The following ESR1 variants were observed in gnomAD, a reference collection of about 807,000 sequenced individuals.
ESR1 encodes estrogen receptor 1.
ESR1 carries 12 observed loss-of-function variants against 52.7 expected under a neutral mutation model. The observed-to-expected ratio is 0.23, with a 90% CI of 0.15 to 0.37. The LOEUF (loss-of-function observed/expected upper bound fraction) is 0.37, where lower values mean the gene tolerates loss of function less well. ESR1 is among the 10% of genes least tolerant of loss of function. ESR1 has a pLI of 1.00. For missense variants in ESR1, 584 were observed against 779.7 expected (o/e 0.75, Z 2.99); for synonymous variants, 305 against 316.8 (o/e 0.96, Z 0.39).
chr6:151,837,408 T>C (rs1367652545), intron 1 of ESR1, among the ~76,000 whole-genome samples: 1 of 152,130 alleles, frequency 6.6e-6, no homozygotes, highest in Non-Finnish European at 1.5e-5. Context: ...CAGACATCCC[T>C]CTTAATTATG....
intron 5 of ESR1, among the ~76,000 whole-genome samples, chr6:152,036,023 A>G (rs1056892522): frequency 6.6e-6 from 1 of 152,200 alleles, no homozygotes; most frequent in Non-Finnish European, 1.5e-5. Flanking sequence ...CAAAAGTACT[A>G]ACCATAAAAG....
At chr6:151,808,398 G>T (rs1451878042) in intron 1 of ESR1, 34 bp downstream of exon 1, 7 of 479,392 alleles carry the variant, frequency 1.5e-5, no homozygotes, top group Non-Finnish European at 2.3e-5. Context: ...CGGGGTGGCC[G>T]CCGCGCCCGG....
chr6:151,928,872 C>T (rs2033168041), intron 3 of ESR1, among the ~76,000 whole-genome samples: 1 of 152,042 alleles, frequency 6.6e-6, no homozygotes, highest in Non-Finnish European at 1.5e-5. Flanking sequence ...TATTTTCCAG[C>T]TATCTTTCTG....
intron 3 of ESR1, among the ~76,000 whole-genome samples, chr6:151,936,798 C>A (rs955164198): frequency 6.6e-6 from 1 of 152,076 alleles, no homozygotes; most frequent in Non-Finnish European, 1.5e-5. Flanking sequence ...AAGTTTCAGG[C>A]CACAGCAAGT....
intron 5 of ESR1, among the ~76,000 whole-genome samples, chr6:152,038,193 A>T (rs551014252): frequency 6.6e-6 from 1 of 152,202 alleles, no homozygotes; most frequent in African/African-American, 2.4e-5. Context: ...AGCATCCGTC[A>T]TGGGAGAAAG....
At chr6:151,977,391 G>A (rs2039535920) in intron 4 of ESR1, among the ~76,000 whole-genome samples, 1 of 148,612 alleles carries the variant, frequency 6.7e-6, no homozygotes, top group Non-Finnish European at 1.5e-5. Flanking sequence ...TTAACCACAA[G>A]CTAGCCCTCA....
intron 2 of ESR1, among the ~76,000 whole-genome samples, chr6:151,851,595 T>C (rs1336984028): frequency 6.6e-6 from 1 of 151,100 alleles, no homozygotes; most frequent in Non-Finnish European, 1.5e-5. Flanking sequence ...TGGCATTGTG[T>C]CAGCTCACAA....
At chr6:152,129,497 A>G (rs1468805915) in exon 7 of ESR1, 1 of 151,884 alleles carries the variant, frequency 6.6e-6, no homozygotes, top group African/African-American at 2.4e-5. Context: ...GCTCGTCATT[A>G]TCTTCAAAAG....
intron 2 of ESR1, among the ~76,000 whole-genome samples, chr6:151,768,284 A>G (rs1785226733): frequency 6.6e-6 from 1 of 152,212 alleles, no homozygotes; most frequent in African/African-American, 2.4e-5. Context: ...AGGAGAAACA[A>G]CCTCATTCTT....
intron 1 of ESR1, chr6:151,701,796 G>A (rs1779817260): frequency 6.6e-6 from 1 of 152,130 alleles, no homozygotes; most frequent in South Asian, 2.1e-4. Context: ...CTTAAGTGGG[G>A]AGTCAAACTA....
chr6:151,985,763 G>A (rs1174513253), intron 4 of ESR1, among the ~76,000 whole-genome samples: 4 of 151,982 alleles, frequency 2.6e-5, no homozygotes, highest in Non-Finnish European at 4.4e-5. Context: ...CGCCTCCTGC[G>A]TTCAAGCGAT....
At chr6:151,737,195 T>G (rs1782743849) in intron 2 of ESR1, among the ~76,000 whole-genome samples, 1 of 152,212 alleles carries the variant, frequency 6.6e-6, no homozygotes, top group Non-Finnish European at 1.5e-5. Context: ...ATTGAATTTC[T>G]TATTAAGACA....
At chr6:151,890,498 C>T (rs1330444679) in intron 3 of ESR1, among the ~76,000 whole-genome samples, 1 of 152,150 alleles carries the variant, frequency 6.6e-6, no homozygotes, top group African/African-American at 2.4e-5. Flanking sequence ...TCTGTTAAGT[C>T]CATCTGTGCT....
intron 3 of ESR1, among the ~76,000 whole-genome samples, chr6:151,928,397 G>A (rs1178347137): frequency 6.6e-6 from 1 of 152,074 alleles, no homozygotes; most frequent in East Asian, 1.9e-4. Flanking sequence ...TGAGAGCTGC[G>A]GCTTGCTGCT....
intron 6 of ESR1, among the ~76,000 whole-genome samples, chr6:152,064,137 C>A (rs143975529): frequency 0.017 from 2,623 of 152,336 alleles, 31 homozygotes; most frequent in Non-Finnish European, 0.027. Flanking sequence ...TTTTTCCACT[C>A]CACACCAAAG....
At chr6:151,970,352 G>T (rs2038781311) in intron 4 of ESR1, among the ~76,000 whole-genome samples, 1 of 151,818 alleles carries the variant, frequency 6.6e-6, no homozygotes, top group South Asian at 2.1e-4. Context: ...TCTTTCTATT[G>T]CAACTTCCAG....
intron 5 of ESR1, among the ~76,000 whole-genome samples, chr6:152,048,342 A>G (rs997710344): frequency 2.0e-5 from 3 of 146,980 alleles, no homozygotes; most frequent in African/African-American, 7.6e-5. Flanking sequence ...CAGCCTGGAG[A>G]CAAAGTGTGA....
At chr6:152,032,014 A>G (rs1282903928) in intron 5 of ESR1, among the ~76,000 whole-genome samples, 2 of 152,258 alleles carry the variant, frequency 1.3e-5, no homozygotes, top group African/African-American at 2.4e-5. Flanking sequence ...ATAATCCAGC[A>G]TATAAACAGA....
chr6:151,834,860 A>G (rs186894146), intron 1 of ESR1, among the ~76,000 whole-genome samples: 4 of 152,060 alleles, frequency 2.6e-5, no homozygotes, highest in Admixed American at 2.0e-4. Flanking sequence ...TTGGGGAGCA[A>G]GGGAAGGAGT....
Sources: gnomAD v4.1 joint callset for allele counts (sites outside exome capture counted in the v4.1 genomes callset) on GRCh38, gnomAD v4.1.1 for gene constraint, MANE v1.5 for transcripts, NCBI Gene and HGNC (gene_info 2026-07-23, HGNC 2026-07-21) for gene names.